Variants in INTS9 observed in about 807,000 individuals in gnomAD.
INTS9 encodes the protein integrator complex subunit 9.
In INTS9, 55 loss-of-function variants were observed where a neutral mutation model predicts 79.7. The observed-to-expected ratio is 0.69, with a 90% CI of 0.56 to 0.86. INTS9 has a LOEUF of 0.86. INTS9 is among the 40% of genes least tolerant of loss of function. The pLI is 0.00. For synonymous variants in INTS9, 319 were observed against 325.2 expected (o/e 0.98, Z 0.20); for missense variants, 721 against 831.5 (o/e 0.87, Z 1.64).
At chr8:28,823,001 A>T (rs1386476294) in intron 6 of INTS9, among the ~76,000 whole-genome samples, 1 of 152,200 alleles carries the variant, frequency 6.6e-6, no homozygotes, top group East Asian at 1.9e-4. Context: ...ATAAAGAAGC[A>T]AAGAAGTCTT....
At chr8:28,847,912 G>A (rs1807617678) in intron 3 of INTS9, among the ~76,000 whole-genome samples, 1 of 152,194 alleles carries the variant, frequency 6.6e-6, no homozygotes, top group African/African-American at 2.4e-5. Context: ...GAGCAATGGG[G>A]CTGAAATGTT....
chr8:28,790,528 A>G (rs1803865446), intron 10 of INTS9, among the ~76,000 whole-genome samples: 1 of 152,098 alleles, frequency 6.6e-6, no homozygotes, highest in Non-Finnish European at 1.5e-5. Context: ...AGGTCTTGCT[A>G]TGTTGCTCAG....
intron 1 of INTS9, among the ~76,000 whole-genome samples, chr8:28,880,056 A>G (rs1809617796): frequency 6.6e-6 from 1 of 152,220 alleles, no homozygotes; most frequent in Non-Finnish European, 1.5e-5. Flanking sequence ...AAAGCTGTTT[A>G]AACAATGTAA....
Position 28,768,063 on chromosome 8 carries a change from C to T in INTS9, c.*83G>A. 2.3e-6 allele frequency: 3 copies of T among 1,294,052 alleles called. No homozygotes were observed. Among genetic ancestry groups the T allele is most frequent in the Non-Finnish European group, 3.3e-6 (3 of 901,100 alleles). 80.2% of individuals were successfully genotyped at this position (1,294,052 alleles called of 1,614,324 possible). A position where few individuals can be genotyped will look rare whatever the true frequency, so the allele number is the denominator to read the frequency against. On this transcript the variant is annotated 3_prime_UTR_variant, in exon 17 of 17. Transcript: ENST00000521022. ...ACACCACAAAGACACAGTTAATGGC[C>T]TCTCATGCCACTCCTCAGGTGGCTT...
intron 10 of INTS9, among the ~76,000 whole-genome samples, chr8:28,788,694 C>A (rs1182842327): frequency 6.6e-6 from 1 of 152,236 alleles, no homozygotes; most frequent in African/African-American, 2.4e-5. Flanking sequence ...GCTGAGATTA[C>A]AGGCGTGAGC....
intron 8 of INTS9, among the ~76,000 whole-genome samples, chr8:28,797,202 T>C (rs934088824): frequency 1.3e-5 from 2 of 152,178 alleles, no homozygotes; most frequent in African/African-American, 4.8e-5. Flanking sequence ...GAATCACACT[T>C]TGAGAAGCAT....
At chr8:28,813,413 A>G (rs1563268392) in intron 7 of INTS9, 79 bp downstream of exon 7, 9 of 1,423,336 alleles carry the variant, frequency 6.3e-6, no homozygotes, top group Non-Finnish European at 6.9e-6. Context: ...AAACGTAACT[A>G]TAGGATTCTT....
intron 2 of INTS9, among the ~76,000 whole-genome samples, chr8:28,857,186 T>C (rs1171768411): frequency 6.6e-6 from 1 of 152,178 alleles, no homozygotes; most frequent in Non-Finnish European, 1.5e-5. Context: ...ATTTATTAAA[T>C]GCCCTTAGTG....
chr8:28,849,749 G>A (rs1353251033), intron 3 of INTS9, among the ~76,000 whole-genome samples: 1 of 152,056 alleles, frequency 6.6e-6, no homozygotes, highest in Non-Finnish European at 1.5e-5. Flanking sequence ...ACCCAAAAAA[G>A]ACCCAAGCTT....
intron 1 of INTS9, among the ~76,000 whole-genome samples, chr8:28,882,548 G>GAAAAAAAAAAAA (rs376509452): frequency 2.7e-5 from 2 of 74,842 alleles, no homozygotes; most frequent in African/African-American, 4.7e-5. Context: ...AAAAAAAAAA[G>GAAAAAAAAAAAA]AAAAAAAAAA....
intron 4 of INTS9, among the ~76,000 whole-genome samples, chr8:28,839,377 A>C (rs918826774): frequency 1.6e-4 from 25 of 151,960 alleles, no homozygotes; most frequent in Non-Finnish European, 2.9e-4. Context: ...AAGGTAATTT[A>C]TAGATTCAAT....
chr8:28,792,933 AAG>A (rs1803998174), intron 10 of INTS9, among the ~76,000 whole-genome samples: 1 of 151,860 alleles, frequency 6.6e-6, no homozygotes. Context: ...AAAAGTGACA[AAG>A]AAGAATAATT....
chr8:28,780,908 G>T lies in INTS9; in HGVS notation c.1185C>A (p.Thr395=). 6.2e-7 allele frequency: 1 copy of T among 1,614,018 alleles called. No homozygotes were observed. The highest frequency in any genetic ancestry group is 8.5e-7 in the Non-Finnish European group (1 of 1,179,906). Residue 395 remains threonine (T), a synonymous_variant, in exon 12 of 17, where the codon ACC becomes ACA. Transcript: ENST00000521022. The part of the protein sequence containing the change: ...NDFRQPCVVF[T]GHPSLRFGDV... ...CCCCGAAGCGGAGGGAAGGGTGCCC[G>T]GTGAACACCACACAGGGCTGTCTAA...
chr8:28,846,725 A>G, intron 4 of INTS9, 22 bp downstream of exon 4: 1 of 1,569,700 alleles, frequency 6.4e-7, no homozygotes, highest in Non-Finnish European at 8.8e-7. Context: ...TGTTTCTACA[A>G]TAAGATTCAC....
At chr8:28,824,625 G>A (rs1806043496) in intron 6 of INTS9, among the ~76,000 whole-genome samples, 1 of 152,188 alleles carries the variant, frequency 6.6e-6, no homozygotes, top group Non-Finnish European at 1.5e-5. Context: ...AGGAGTACAG[G>A]GAAGTGGCAC....
At chr8:28,880,663 C>G (rs1450295729) in intron 1 of INTS9, among the ~76,000 whole-genome samples, 4 of 147,826 alleles carry the variant, frequency 2.7e-5, no homozygotes, top group African/African-American at 1.0e-4. Flanking sequence ...ATTGCAGCCT[C>G]TGCCCGGCCG....
chr8:28,864,904 T>G (rs1808652646), intron 1 of INTS9, among the ~76,000 whole-genome samples: 1 of 147,450 alleles, frequency 6.8e-6, no homozygotes, highest in Non-Finnish European at 1.5e-5. Context: ...GAGAATAGCT[T>G]AAACCCAGGA....
At chr8:28,880,941 G>C (rs1377017702) in intron 1 of INTS9, among the ~76,000 whole-genome samples, 1 of 147,746 alleles carries the variant, frequency 6.8e-6, no homozygotes, top group Non-Finnish European at 1.5e-5. Context: ...GCCTCTGCTG[G>C]GCCGCAACCC....
chr8:28,862,637 A>G (rs1202966796), intron 1 of INTS9, among the ~76,000 whole-genome samples: 1 of 152,222 alleles, frequency 6.6e-6, no homozygotes, highest in Non-Finnish European at 1.5e-5. Context: ...AATGCTTTCC[A>G]AAAAGGACTG....
Sources: gnomAD v4.1 joint callset for allele counts (sites outside exome capture counted in the v4.1 genomes callset) on GRCh38, gnomAD v4.1.1 for gene constraint, MANE v1.5 for transcripts, NCBI Gene and HGNC (gene_info 2026-07-23, HGNC 2026-07-21) for gene names.